AKAP19: variants seen among roughly 807,000 people sequenced by gnomAD.
AKAP19 encodes the protein small A-kinase anchoring protein.
the AKAP19 span, chr2:190,199,746 T>C: frequency 1.3e-6 from 2 of 1,509,152 alleles, no homozygotes; most frequent in South Asian, 1.4e-5. Context: ...ATTACTGAAG[T>C]GCCCTGGAGA....
the AKAP19 span, among the ~76,000 whole-genome samples, chr2:189,982,918 G>T: frequency 6.6e-6 from 1 of 152,074 alleles, no homozygotes; most frequent in Admixed American, 6.6e-5. Context: ...GAAGATTATG[G>T]ACTAGCATTA....
the AKAP19 span, chr2:190,089,742 C>T: frequency 6.6e-6 from 1 of 152,150 alleles, no homozygotes; most frequent in African/African-American, 2.4e-5. Flanking sequence ...CAAAGTGTTA[C>T]TCCCGAAAAA....
the AKAP19 span, among the ~76,000 whole-genome samples, chr2:189,960,930 G>A: frequency 3.3e-5 from 5 of 152,182 alleles, no homozygotes; most frequent in South Asian, 2.1e-4. Flanking sequence ...GAAACAAAAT[G>A]TATGCCCATT....
the AKAP19 span, among the ~76,000 whole-genome samples, chr2:190,133,235 CAAAAAAAAAAA>C: frequency 2.1e-4 from 12 of 58,102 alleles, no homozygotes; most frequent in African/African-American, 3.2e-4. Flanking sequence ...GAGACTCTGC[CAAAAAAAAAAA>C]AAAAAAAAAA....
At chr2:190,128,337 G>A in the AKAP19 span, among the ~76,000 whole-genome samples, 2 of 152,172 alleles carry the variant, frequency 1.3e-5, no homozygotes, top group Non-Finnish European at 2.9e-5. Flanking sequence ...TTTTTACAGG[G>A]AATCTGGACA....
chr2:190,191,885 G>C, the AKAP19 span, among the ~76,000 whole-genome samples: 4 of 151,576 alleles, frequency 2.6e-5, no homozygotes, highest in Non-Finnish European at 5.9e-5. Context: ...ATGATGACTT[G>C]CAAATATTTT....
the AKAP19 span, among the ~76,000 whole-genome samples, chr2:190,183,993 T>C: frequency 6.6e-6 from 1 of 152,068 alleles, no homozygotes; most frequent in South Asian, 2.1e-4. Flanking sequence ...ATACTTTCCA[T>C]ATAGTAAGTA....
At chr2:190,016,428 C>T in the AKAP19 span, among the ~76,000 whole-genome samples, 1 of 152,188 alleles carries the variant, frequency 6.6e-6, no homozygotes. Context: ...AAAAGAACAG[C>T]ATGGGGGACA....
the AKAP19 span, among the ~76,000 whole-genome samples, chr2:189,983,167 T>G: frequency 6.6e-6 from 1 of 152,172 alleles, no homozygotes; most frequent in Admixed American, 6.5e-5. Context: ...ATCTGCTTCC[T>G]TATTATGCTC....
At chr2:190,175,681 T>C in the AKAP19 span, among the ~76,000 whole-genome samples, 2 of 152,238 alleles carry the variant, frequency 1.3e-5, no homozygotes, top group Admixed American at 1.3e-4. Context: ...GAAGATAATG[T>C]CAATCACTTC....
chr2:190,114,487 G>A, the AKAP19 span, among the ~76,000 whole-genome samples: 2 of 152,114 alleles, frequency 1.3e-5, no homozygotes, highest in Non-Finnish European at 2.9e-5. Context: ...ACGGAGTCTC[G>A]CTCTGTTGCC....
At chr2:190,045,422 G>A in the AKAP19 span, among the ~76,000 whole-genome samples, 1 of 152,266 alleles carries the variant, frequency 6.6e-6, no homozygotes, top group East Asian at 1.9e-4. Flanking sequence ...ACATGGTTGA[G>A]GCACGGCTGA....
the AKAP19 span, among the ~76,000 whole-genome samples, chr2:190,031,478 A>C: frequency 6.6e-6 from 1 of 152,368 alleles, no homozygotes; most frequent in Non-Finnish European, 1.5e-5. Flanking sequence ...AAAATATCAG[A>C]GAGCTCTTAA....
At chr2:189,886,213 T>A in the AKAP19 span, among the ~76,000 whole-genome samples, 9 of 152,298 alleles carry the variant, frequency 5.9e-5, no homozygotes, top group South Asian at 6.2e-4. Context: ...ATTTGTTGCT[T>A]TGTCACACAA....
the AKAP19 span, among the ~76,000 whole-genome samples, chr2:190,086,322 T>G: frequency 6.6e-6 from 1 of 152,242 alleles, no homozygotes; most frequent in Non-Finnish European, 1.5e-5. Context: ...GGAGCAGTCC[T>G]CCTCTTCCAT....
chr2:190,166,317 C>T, the AKAP19 span, among the ~76,000 whole-genome samples: 36 of 65,306 alleles, frequency 5.5e-4, no homozygotes, highest in Admixed American at 1.1e-3. Flanking sequence ...AAAATCCACT[C>T]TTTTTTTTTT....
the AKAP19 span, among the ~76,000 whole-genome samples, chr2:190,106,985 A>G: frequency 6.6e-6 from 1 of 152,160 alleles, no homozygotes; most frequent in African/African-American, 2.4e-5. Flanking sequence ...TAAGCTGGAG[A>G]GAGAAGACTT....
the AKAP19 span, among the ~76,000 whole-genome samples, chr2:190,081,400 C>T: frequency 1.7e-4 from 26 of 152,124 alleles, no homozygotes; most frequent in Admixed American, 3.3e-4. Context: ...ACTCCATGTC[C>T]GCCAGAGCCC....
the AKAP19 span, among the ~76,000 whole-genome samples, chr2:190,096,309 A>C: frequency 6.6e-6 from 1 of 152,234 alleles, no homozygotes; most frequent in Non-Finnish European, 1.5e-5. Flanking sequence ...GGTACATTAC[A>C]AAGTTACCAC....
Sources: allele counts gnomAD v4.1 joint callset (sites outside exome capture counted in the v4.1 genomes callset), GRCh38; gene constraint gnomAD v4.1.1; transcripts MANE v1.5; gene names NCBI Gene and HGNC (gene_info 2026-07-23, HGNC 2026-07-21).